PCDHGA5: variants seen among roughly 807,000 people sequenced by gnomAD.
PCDHGA5 encodes protocadherin gamma-A5.
PCDHGA5 carries 36 observed loss-of-function variants against 56.7 expected under a neutral mutation model. That is an observed-to-expected ratio of 0.64 (90% CI 0.49 to 0.84). The LOEUF (loss-of-function observed/expected upper bound fraction) is 0.84. Among genes scored for constraint, PCDHGA5 ranks in the 40% least tolerant of loss-of-function variants. The pLI is 0.00. For missense variants in PCDHGA5, 1,305 were observed against 1,201.5 expected, an observed-to-expected ratio of 1.09 and a Z score of -1.27; for synonymous variants, 563 against 520.2, an observed-to-expected ratio of 1.08 and a Z score of -1.12.
chr5:141,404,124 C>A, intron 1 of PCDHGA5: 1 of 1,613,272 alleles, frequency 6.2e-7, no homozygotes, highest in Non-Finnish European at 8.5e-7. Context: ...GAGAATCTAT[C>A]TTTTACATTA....
rs4042104 is a variant in PCDHGA5 at position 141,489,091 on chromosome 5, T to TAAG, written c.2422-5713_2422-5711dup. On this transcript the variant is annotated intron_variant, in intron 1 of 3. Transcript: ENST00000518069. This position sits in a 1 kb window ranked among gnomAD's most constrained non-coding sequence, Gnocchi z 4.5. Reference sequence around the variant, plus strand: ...CTGCCCACCCCCGCCACTCGGTGACTAAGAACTGCTGCAAGCAGGCAAACC... The same window carrying TAAG: ...CTGCCCACCCCCGCCACTCGGTGACTAAGAAGAACTGCTGCAAGCAGGCAAACC... 136,009 of 332,164 alleles carry TAAG rather than the reference T, an allele frequency of 0.41. 28,517 individuals are homozygous for TAAG. The highest frequency in any genetic ancestry group is 0.54 in the Admixed American group (11,651 of 21,676). The allele number at this position is 332,164 out of a possible 1,614,324, so 20.6% of individuals were successfully genotyped here.
At chr5:141,397,642 T>A (rs1015821056) in intron 1 of PCDHGA5, among the ~76,000 whole-genome samples, 1 of 152,236 alleles carries the variant, frequency 6.6e-6, no homozygotes, top group African/African-American at 2.4e-5. Context: ...GTTCAAGGTA[T>A]GTTTGCAGAA....
Position 141,474,403 on chromosome 5 carries a change from C to T in PCDHGA5, c.2422-20404C>T, listed in dbSNP as rs553745731. ...ATTTCTGCATTTCTAACAAGCTCCC[C>T]GGTGATGCCTAGACCATTGGTCCTC... is the stretch of plus-strand genomic sequence containing the variant. On this transcript the variant is annotated intron_variant, in intron 1 of 3. Coordinates refer to ENST00000518069, the MANE Select transcript of PCDHGA5 (RefSeq NM_018918.3). Among the ~76,000 whole-genome samples, 121 of 152,282 alleles carry T rather than the reference C, an allele frequency of 7.9e-4. 1 individual carries two copies. Among genetic ancestry groups the T allele is most frequent in the Admixed American group, 3.9e-3 (59 of 15,292 alleles).
In PCDHGA5 at chr5:141,404,317, C is replaced by T. The variant is rs375857083; in HGVS notation, c.2421+37566C>T. On this transcript the variant is annotated intron_variant, in intron 1 of 3. Transcript: ENST00000518069. ...ATAATCCACCTGCTTTCTCTCAAGC[C>T]TCCTACTCAGTCTACCTCCCGGAAA... 6.2e-6 allele frequency: 10 copies of T among 1,613,780 alleles called. No homozygotes were observed. In the African/African-American group the frequency reaches 1.2e-4, roughly 19 times the overall value.
chr5:141,462,036 G>A (rs760555655), intron 1 of PCDHGA5, among the ~76,000 whole-genome samples: 5 of 151,978 alleles, frequency 3.3e-5, no homozygotes, highest in African/African-American at 7.3e-5. Flanking sequence ...TTGGTCAGGC[G>A]GGTCTTGAAC....
chr5:141,383,109 T>A, intron 1 of PCDHGA5: 1 of 1,613,908 alleles, frequency 6.2e-7, no homozygotes, highest in Non-Finnish European at 8.5e-7. Context: ...TCTCCAGAGG[T>A]AGGACGCAGC....
At position 141,477,830 on chromosome 5, in the gene PCDHGA5, C is replaced by T; in HGVS notation, c.2422-16977C>T. ...TGCCCCCCAGGTCCTATATCCTCGG[C>T]CAGGTGGGAGCTCGGTGGAGATGCT... is the stretch of plus-strand genomic sequence containing the variant. On this transcript the variant is annotated intron_variant, in intron 1 of 3. Transcript: ENST00000518069. The surrounding 1 kb of genome is among the most constrained non-coding windows in gnomAD (Gnocchi z 4.9). 1 of 1,614,170 alleles carries T rather than the reference C, an allele frequency of 6.2e-7. No individual in the cohort carries two copies. Among genetic ancestry groups the T allele is most frequent in the Non-Finnish European group, 8.5e-7 (1 of 1,180,038 alleles).
At chr5:141,421,699 G>T (rs751572007) in intron 1 of PCDHGA5, 1 of 1,613,928 alleles carries the variant, frequency 6.2e-7, no homozygotes, top group Admixed American at 1.7e-5. Flanking sequence ...TCTTCCTAAT[G>T]CTAGGGATCC....
At chr5:141,444,152 A>ATTTTT (rs747671382) in intron 1 of PCDHGA5, among the ~76,000 whole-genome samples, 10 of 33,898 alleles carry the variant, frequency 3.0e-4, no homozygotes, top group Middle Eastern at 0.019. Context: ...TGTGTACTGG[A>ATTTTT]TTTTTTTTTT....
intron 1 of PCDHGA5, chr5:141,374,617 C>A (rs981307720): frequency 3.7e-6 from 6 of 1,613,400 alleles, no homozygotes; most frequent in African/African-American, 1.3e-5. Flanking sequence ...ATAGTCACTT[C>A]TCAGTGGACG....
chr5:141,427,611 G>A (rs747386422), intron 1 of PCDHGA5: 22 of 691,570 alleles, frequency 3.2e-5, no homozygotes, highest in Non-Finnish European at 5.5e-5. Context: ...CATTGGTGAA[G>A]TCAACGACAA....
intron 1 of PCDHGA5, chr5:141,372,157 T>A: frequency 2.5e-6 from 4 of 1,613,774 alleles, no homozygotes; most frequent in Non-Finnish European, 3.4e-6. Flanking sequence ...GGCTACCTGG[T>A]GACCAAGGTG....
rs114669158 is a variant in PCDHGA5 at position 141,511,003 on chromosome 5, G to A, written c.2626G>A (p.Ala876Thr). The change falls in exon 4 of 4, where the codon GCC (alanine) becomes ACC (threonine). Residue 876 changes from alanine to threonine, a missense_variant. Physicochemically the swap from Ala to Thr is moderately conservative, Grantham distance 58 (BLOSUM62 0). Coordinates refer to ENST00000518069, the MANE Select transcript of PCDHGA5 (RefSeq NM_018918.3). Reference protein sequence around the residue: ...GGGAGTMGLSARYGPQFTLQH... With the variant: ...GGGAGTMGLSTRYGPQFTLQH... ...GGGTGCCGGCACCATGGGATTGAGCGCCCGCTACGGACCCCAGTTCACCCT... is the reference window on the plus strand; with the variant it reads ...GGGTGCCGGCACCATGGGATTGAGCACCCGCTACGGACCCCAGTTCACCCT... The A allele has an allele frequency of 1.0e-4, 163 of 1,614,148 alleles. 1 individual carries two copies. The highest frequency in any genetic ancestry group is 9.5e-5 in the Non-Finnish European group (112 of 1,180,012).
intron 1 of PCDHGA5, chr5:141,408,084 G>A (rs564149257): frequency 7.5e-5 from 106 of 1,418,874 alleles, no homozygotes; most frequent in Middle Eastern, 2.5e-4. Context: ...CCAGCACAGC[G>A]GATTGCCAGC....
Position 141,398,413 on chromosome 5 carries a change from T to C in PCDHGA5, c.2421+31662T>C, listed in dbSNP as rs774602022. On this transcript the variant is annotated intron_variant, in intron 1 of 3. Transcript: ENST00000518069. ...CAGCAGGCTAGACAGGGAGGAGATA[T>C]GCGGGAAGAAGCCAGCTTGTGCTCT... 7.0e-5 allele frequency: 104 copies of C among 1,490,692 alleles called. 1 individual carries two copies. Among genetic ancestry groups the C allele is most frequent in the Middle Eastern group, 6.1e-4 (3 of 4,950 alleles). The allele number at this position is 1,490,692 out of a possible 1,614,324, so 92.3% of individuals were successfully genotyped here.
intron 1 of PCDHGA5, chr5:141,478,873 T>C: frequency 7.8e-7 from 1 of 1,274,424 alleles, no homozygotes; most frequent in African/African-American, 1.5e-5. Context: ...GATCAGAGTT[T>C]AGCTTGGTAT....
rs965293763 is a variant in PCDHGA5 at position 141,372,242 on chromosome 5, G to A, written c.2421+5491G>A. 2.5e-6 allele frequency: 4 copies of A among 1,613,274 alleles called. No individual in the cohort carries two copies. The South Asian group carries it at 3.3e-5, about 13-fold the overall frequency. ...TTGTGCAGGCCAGCGAGCCCGGGCT[G>A]TTCAGCCTGGGCCTGCGCACGGGTG... On this transcript the variant is annotated intron_variant, in intron 1 of 3. Coordinates refer to ENST00000518069, the MANE Select transcript of PCDHGA5 (RefSeq NM_018918.3).
chr5:141,504,546 G>A (rs911626023), intron 2 of PCDHGA5, among the ~76,000 whole-genome samples: 5 of 151,802 alleles, frequency 3.3e-5, no homozygotes, highest in African/African-American at 1.2e-4. Flanking sequence ...CATGGCAAAT[G>A]TTGGGGGACT....
At chr5:141,414,508 C>T in intron 1 of PCDHGA5, 1 of 1,613,970 alleles carries the variant, frequency 6.2e-7, no homozygotes, top group Non-Finnish European at 8.5e-7. Context: ...CTTTATGCTA[C>T]AAGTGGCAGA....
Sources: gnomAD v4.1 joint callset for allele counts (sites outside exome capture counted in the v4.1 genomes callset) on GRCh38, gnomAD v4.1.1 for gene constraint, Gnocchi (gnomAD v3.1) non-coding constraint, MANE v1.5 for transcripts, NCBI Gene and HGNC (gene_info 2026-07-23, HGNC 2026-07-21) for gene names.